Variants in GPC5 observed in about 807,000 individuals in gnomAD.
GPC5 encodes the protein glypican 5.
In GPC5, 47 loss-of-function variants were observed where a neutral mutation model predicts 53.9. The ratio of observed to expected loss-of-function variants is 0.87; its 90% confidence interval spans 0.69 to 1.11. The LOEUF is 1.11. Among genes scored for constraint, GPC5 ranks in the 50% most tolerant of loss-of-function variants. GPC5 has a pLI of 0.00. For missense variants in GPC5, 748 were observed against 713.1 expected (o/e 1.05, Z -0.56); for synonymous variants, 286 against 263.3 (o/e 1.09, Z -0.84).
intron 2 of GPC5, among the ~76,000 whole-genome samples, chr13:91,478,463 G>A (rs149853881): frequency 1.3e-3 from 193 of 151,472 alleles, no homozygotes; most frequent in African/African-American, 4.2e-3. Context: ...TTTTATATAT[G>A]CTATTTATTT....
intron 7 of GPC5, among the ~76,000 whole-genome samples, chr13:92,152,194 A>G (rs1593935754): frequency 6.6e-6 from 1 of 152,336 alleles, no homozygotes; most frequent in East Asian, 1.9e-4. Context: ...GAATGATTAA[A>G]GCTCTTCTAT....
Position 92,039,551 on chromosome 13 carries a change from A to G in GPC5, c.1402-105279A>G, listed in dbSNP as rs563067201. Among the ~76,000 whole-genome samples the G allele has an allele frequency of 5.9e-5, 9 of 152,376 alleles. No individual in the cohort carries two copies. The South Asian group carries it at 1.9e-3, about 32-fold the overall frequency. On this transcript the variant is annotated intron_variant, in intron 6 of 7. Coordinates refer to ENST00000377067, the MANE Select transcript of GPC5 (RefSeq NM_004466.6). ...AGAAAATCTACTAAGTTTCACTAAGATCAGCAAAAGTTGGTTGCTGTATTA... is the reference window on the plus strand; with the variant it reads ...AGAAAATCTACTAAGTTTCACTAAGGTCAGCAAAAGTTGGTTGCTGTATTA...
At chr13:91,554,261 C>A (rs769047149) in intron 2 of GPC5, among the ~76,000 whole-genome samples, 17 of 151,782 alleles carry the variant, frequency 1.1e-4, no homozygotes, top group Non-Finnish European at 1.5e-4. Context: ...ACACACACAC[C>A]CCCACACAGA....
At chr13:91,744,212 T>C (rs1394842304) in intron 4 of GPC5, among the ~76,000 whole-genome samples, 1 of 152,136 alleles carries the variant, frequency 6.6e-6, no homozygotes, top group Admixed American at 6.6e-5. Flanking sequence ...AAACATATTT[T>C]GGATGGCATA....
intron 7 of GPC5, among the ~76,000 whole-genome samples, chr13:92,263,273 T>G (rs1417416965): frequency 1.3e-5 from 2 of 152,182 alleles, no homozygotes; most frequent in Non-Finnish European, 2.9e-5. Flanking sequence ...GGATACTGTT[T>G]AAATATTTAC....
At chr13:92,413,191 C>T (rs1030416829) in intron 7 of GPC5, among the ~76,000 whole-genome samples, 1 of 152,174 alleles carries the variant, frequency 6.6e-6, no homozygotes, top group Non-Finnish European at 1.5e-5. Context: ...ACTCTCTTGA[C>T]TCTAAATACA....
intron 2 of GPC5, among the ~76,000 whole-genome samples, chr13:91,574,342 C>T (rs2032053649): frequency 1.3e-5 from 2 of 152,046 alleles, no homozygotes; most frequent in Admixed American, 1.3e-4. Flanking sequence ...TAAAGTCTAA[C>T]ATACTTTGTA....
intron 7 of GPC5, among the ~76,000 whole-genome samples, chr13:92,711,343 T>C (rs555255107): frequency 8.5e-4 from 130 of 152,312 alleles, no homozygotes; most frequent in African/African-American, 3.1e-3. Flanking sequence ...CCTCAACTTG[T>C]ACACTGTCAT....
chr13:92,352,651 G>A (rs780633258), intron 7 of GPC5, among the ~76,000 whole-genome samples: 2 of 152,160 alleles, frequency 1.3e-5, no homozygotes, highest in Non-Finnish European at 2.9e-5. Context: ...ATAGCCCTCT[G>A]ATGCCATTTT....
At chr13:92,479,742 G>A (rs1466585875) in intron 7 of GPC5, among the ~76,000 whole-genome samples, 1 of 152,108 alleles carries the variant, frequency 6.6e-6, no homozygotes, top group Non-Finnish European at 1.5e-5. Flanking sequence ...CCAGGCAGGG[G>A]GCTCTAGCAC....
intron 7 of GPC5, among the ~76,000 whole-genome samples, chr13:92,673,594 G>A (rs111907991): frequency 3.0e-4 from 45 of 152,178 alleles, no homozygotes; most frequent in African/African-American, 9.4e-4. Flanking sequence ...TGTTCTATTC[G>A]TTTGTTTTTC....
At chr13:92,806,795 C>T (rs1030732159) in intron 7 of GPC5, among the ~76,000 whole-genome samples, 2 of 151,950 alleles carry the variant, frequency 1.3e-5, no homozygotes, top group Non-Finnish European at 2.9e-5. Context: ...ACACCAGTAA[C>T]ATCAAAGACC....
chr13:92,109,852 A>G (rs537601487), intron 6 of GPC5, among the ~76,000 whole-genome samples: 2 of 152,296 alleles, frequency 1.3e-5, no homozygotes, highest in South Asian at 2.1e-4. Context: ...ATCAATCACT[A>G]TAAGATAGTG....
intron 7 of GPC5, among the ~76,000 whole-genome samples, chr13:92,625,868 G>A (rs1197613823): frequency 6.6e-6 from 1 of 152,166 alleles, no homozygotes; most frequent in African/African-American, 2.4e-5. Flanking sequence ...CACCAAGTAT[G>A]CCAGAGTGAG....
At chr13:92,132,147 G>T (rs2041749487) in intron 6 of GPC5, among the ~76,000 whole-genome samples, 1 of 151,938 alleles carries the variant, frequency 6.6e-6, no homozygotes, top group Admixed American at 6.6e-5. Flanking sequence ...AATTTCCTCA[G>T]GAAAAAATGA....
chr13:92,843,121 T>C lies in GPC5; in HGVS notation c.1562-23161T>C, dbSNP rs1878486826. 2.6e-5 allele frequency among the ~76,000 whole-genome samples: 4 copies of C among 152,188 alleles called. No homozygotes were observed. The South Asian group carries it at 8.3e-4, about 31-fold the overall frequency. On this transcript the variant is annotated intron_variant, in intron 7 of 7. Transcript: ENST00000377067. ...GAAGCAAAACCAAATCATGGAGTTATAAGGTGGATTGTTTTTCATAATATT... is the reference window on the plus strand; with the variant it reads ...GAAGCAAAACCAAATCATGGAGTTACAAGGTGGATTGTTTTTCATAATATT...
chr13:92,532,610 A>C (rs1881600138), intron 7 of GPC5, among the ~76,000 whole-genome samples: 1 of 152,132 alleles, frequency 6.6e-6, no homozygotes, highest in Non-Finnish European at 1.5e-5. Flanking sequence ...AAAAGACTGA[A>C]GTCTAATCTC....
chr13:91,476,206 C>T (rs550659528), intron 2 of GPC5, among the ~76,000 whole-genome samples: 1 of 152,304 alleles, frequency 6.6e-6, no homozygotes, highest in South Asian at 2.1e-4. Context: ...TCCCCGTTCC[C>T]AGCCATGACA....
chr13:92,593,651 G>A (rs1315509522), intron 7 of GPC5, among the ~76,000 whole-genome samples: 1 of 151,732 alleles, frequency 6.6e-6, no homozygotes, highest in Admixed American at 6.6e-5. Context: ...GAGCCCATAA[G>A]TACCCTGACT....
Sources: allele counts gnomAD v4.1 joint callset (sites outside exome capture counted in the v4.1 genomes callset), GRCh38; gene constraint gnomAD v4.1.1; transcripts MANE v1.5; gene names NCBI Gene and HGNC (gene_info 2026-07-23, HGNC 2026-07-21).